Variants in DLGAP2 observed in about 807,000 individuals in gnomAD.
The protein encoded by DLGAP2 is DLG associated protein 2.
Under a neutral mutation model 100.3 loss-of-function variants are expected in DLGAP2, and 26 were observed. That is an observed-to-expected ratio of 0.26 (90% CI 0.19 to 0.36). DLGAP2 has a LOEUF of 0.36. DLGAP2 is among the 10% of genes least tolerant of loss of function. The pLI, the probability that DLGAP2 is intolerant of heterozygous loss-of-function variation, is 1.00. For synonymous variants in DLGAP2, 886 were observed against 630.1 expected (o/e 1.41, Z -6.08); for missense variants, 1,858 against 1,453.2 (o/e 1.28, Z -4.53).
intron 3 of DLGAP2, among the ~76,000 whole-genome samples, chr8:1,354,164 C>T (rs1256792889): frequency 5.3e-5 from 8 of 152,062 alleles, no homozygotes; most frequent in Admixed American, 2.0e-4. Flanking sequence ...CAGCATGAAC[C>T]GTTAAAAACA....
At chr8:1,117,450 C>G (rs1050991200) in intron 2 of DLGAP2, among the ~76,000 whole-genome samples, 1 of 152,172 alleles carries the variant, frequency 6.6e-6, no homozygotes, top group African/African-American at 2.4e-5. Context: ...AAGAAACAGG[C>G]TCACGGTGGG....
chr8:940,885 G>A (rs1799181004), intron 2 of DLGAP2, among the ~76,000 whole-genome samples: 1 of 152,168 alleles, frequency 6.6e-6, no homozygotes, highest in African/African-American at 2.4e-5. Flanking sequence ...GGCTGCTCGG[G>A]AGGCTGAGCC....
intron 2 of DLGAP2, among the ~76,000 whole-genome samples, chr8:962,876 G>A (rs550540454): frequency 6.6e-6 from 1 of 152,310 alleles, no homozygotes; most frequent in South Asian, 2.1e-4. Flanking sequence ...TCTGTGGGTG[G>A]CTTTCATGCC....
intron 3 of DLGAP2, among the ~76,000 whole-genome samples, chr8:1,372,135 C>A (rs1443398638): frequency 6.6e-6 from 1 of 152,168 alleles, no homozygotes; most frequent in African/African-American, 2.4e-5. Context: ...CCTGCAGGCA[C>A]CTACACAGGT....
chr8:813,739 C>T (rs1236925575), intron 1 of DLGAP2, among the ~76,000 whole-genome samples: 29 of 152,254 alleles, frequency 1.9e-4, no homozygotes, highest in East Asian at 3.9e-4. Flanking sequence ...CTCTGCATTC[C>T]GAGTAGAACC....
At chr8:1,294,949 A>T (rs1800137962) in intron 3 of DLGAP2, among the ~76,000 whole-genome samples, 1 of 151,992 alleles carries the variant, frequency 6.6e-6, no homozygotes, top group Non-Finnish European at 1.5e-5. Flanking sequence ...ATTGGATATG[A>T]TATAAATTAA....
chr8:882,934 A>C (rs1414411263), intron 1 of DLGAP2, among the ~76,000 whole-genome samples: 1 of 152,234 alleles, frequency 6.6e-6, no homozygotes, highest in Non-Finnish European at 1.5e-5. Context: ...GGCATGGGTA[A>C]CTACTCAGGA....
intron 2 of DLGAP2, among the ~76,000 whole-genome samples, chr8:953,033 A>G (rs1013260947): frequency 1.3e-5 from 2 of 152,320 alleles, no homozygotes; most frequent in Admixed American, 6.5e-5. Context: ...GGTTCACTGA[A>G]TTATGCAGGT....
chr8:1,259,940 A>G (rs551697885), intron 3 of DLGAP2: 4 of 152,386 alleles, frequency 2.6e-5, no homozygotes, highest in African/African-American at 4.8e-5. Context: ...AGATATATCC[A>G]TGGTAAAGTC....
At position 988,342 on chromosome 8, in the gene DLGAP2, A is replaced by C. The variant is rs548804042; in HGVS notation, c.73+80376A>C. On this transcript the variant is annotated intron_variant, in intron 2 of 14. Coordinates refer to ENST00000637795, the MANE Select transcript of DLGAP2 (RefSeq NM_001346810.2). Reference sequence around the variant, plus strand: ...TCTAGAAGTGAAACTGAAGCCCTGTAAGTCTCTTGGCAAAGTGTCATTCTT... The same window carrying C: ...TCTAGAAGTGAAACTGAAGCCCTGTCAGTCTCTTGGCAAAGTGTCATTCTT... 3.9e-5 allele frequency among the ~76,000 whole-genome samples: 6 copies of C among 152,162 alleles called. No individual in the cohort carries two copies. In the East Asian group the frequency reaches 1.2e-3, roughly 29 times the overall value.
In DLGAP2 at chr8:1,054,015, C is replaced by T. The variant is rs1802799730; in HGVS notation, c.73+146049C>T. Among the ~76,000 whole-genome samples the T allele has an allele frequency of 2.6e-5, 4 of 152,168 alleles. No individual in the cohort carries two copies. In the South Asian group the frequency reaches 8.3e-4, roughly 32 times the overall value. On this transcript the variant is annotated intron_variant, in intron 2 of 14. Coordinates refer to ENST00000637795, the MANE Select transcript of DLGAP2 (RefSeq NM_001346810.2). ...TAGCAGTACAACAAATGTGTTACACCGGCTTCCTTTTCCCGGTCAGATTCA... is the reference window on the plus strand; with the variant it reads ...TAGCAGTACAACAAATGTGTTACACTGGCTTCCTTTTCCCGGTCAGATTCA...
chr8:1,309,160 A>C (rs1800557493), intron 3 of DLGAP2, among the ~76,000 whole-genome samples: 1 of 152,204 alleles, frequency 6.6e-6, no homozygotes, highest in Non-Finnish European at 1.5e-5. Context: ...AAAAGGGAAA[A>C]GAGAACGAAA....
At chr8:1,668,186 C>G in intron 8 of DLGAP2, 143 bp from the exon 9 acceptor site, 2 of 723,582 alleles carry the variant, frequency 2.8e-6, no homozygotes, top group Non-Finnish European at 4.5e-6. Context: ...TCACTGTCCC[C>G]TCATTTCACG....
intron 2 of DLGAP2, among the ~76,000 whole-genome samples, chr8:1,151,955 A>T (rs941721965): frequency 6.6e-5 from 10 of 152,256 alleles, no homozygotes; most frequent in African/African-American, 2.4e-4. Flanking sequence ...GTTGGAATAC[A>T]TGTTGGTTCC....
chr8:1,468,025 G>A (rs1253307090), intron 3 of DLGAP2, among the ~76,000 whole-genome samples: 1 of 152,248 alleles, frequency 6.6e-6, no homozygotes, highest in African/African-American at 2.4e-5. Flanking sequence ...GAATCTTTGT[G>A]CTGCAAAGTG....
intron 6 of DLGAP2, among the ~76,000 whole-genome samples, chr8:1,609,938 G>A (rs1000223806): frequency 6.6e-6 from 1 of 150,652 alleles, no homozygotes; most frequent in Non-Finnish European, 1.5e-5. Flanking sequence ...CATTAATAAT[G>A]GGAGACTTTA....
intron 1 of DLGAP2, among the ~76,000 whole-genome samples, chr8:883,732 C>A (rs112104233): frequency 0.019 from 2,916 of 152,240 alleles, 151 homozygotes; most frequent in Admixed American, 0.12. Flanking sequence ...TACGTAGGAG[C>A]GCGGGTGCTG....
At chr8:1,629,760 AC>A (rs1252236168) in intron 7 of DLGAP2, among the ~76,000 whole-genome samples, 1 of 152,262 alleles carries the variant, frequency 6.6e-6, no homozygotes, top group African/African-American at 2.4e-5. Context: ...CGAGGTGTGA[AC>A]GTTCATCTCT....
intron 4 of DLGAP2, among the ~76,000 whole-genome samples, chr8:1,547,040 T>G (rs1176307895): frequency 1.3e-5 from 2 of 152,062 alleles, no homozygotes; most frequent in East Asian, 3.9e-4. Context: ...GAGCCGGGTC[T>G]TGGAGTGAAT....
Sources: allele counts gnomAD v4.1 joint callset (sites outside exome capture counted in the v4.1 genomes callset), GRCh38; gene constraint gnomAD v4.1.1; transcripts MANE v1.5; gene names NCBI Gene and HGNC (gene_info 2026-07-23, HGNC 2026-07-21).